Variants in POLD3 observed in about 807,000 individuals in gnomAD.
POLD3 encodes the protein DNA polymerase delta 3, accessory subunit.
In POLD3, 19 loss-of-function variants were observed where a neutral mutation model predicts 58.2. The ratio of observed to expected loss-of-function variants is 0.33; its 90% confidence interval spans 0.23 to 0.48. The LOEUF is 0.48. Ranked by LOEUF, POLD3 falls within the 20% of genes least tolerant of loss-of-function variation. The probability of loss-of-function intolerance (pLI) is 0.99; values close to 1 mark genes in which losing one functional copy is unlikely to be tolerated. For missense variants in POLD3, 504 were observed against 545.5 expected (o/e 0.92, Z 0.76); for synonymous variants, 172 against 193.5 (o/e 0.89, Z 0.92).
intron 2 of POLD3, among the ~76,000 whole-genome samples, chr11:74,594,817 C>T (rs752281915): frequency 9.9e-5 from 15 of 152,108 alleles, no homozygotes; most frequent in Admixed American, 4.6e-4. Context: ...GAGTGTCGAG[C>T]GAAGGGGGAA....
At chr11:74,669,336 C>T (rs1286113547), downstream of POLD3, among the ~76,000 whole-genome samples, 1 of 152,176 alleles carries the variant, frequency 6.6e-6, no homozygotes, top group Non-Finnish European at 1.5e-5. Flanking sequence ...GATTTGGTTG[C>T]AGTAAGCACA....
At chr11:74,654,295 A>G (rs954256506) in intron 4 of POLD3, among the ~76,000 whole-genome samples, 2 of 152,252 alleles carry the variant, frequency 1.3e-5, no homozygotes, top group Admixed American at 1.3e-4. Context: ...TGGAGTGGCT[A>G]TATTAATATC....
At chr11:74,658,255 CTTA>C (rs1481415934) in intron 4 of POLD3, among the ~76,000 whole-genome samples, 1 of 152,172 alleles carries the variant, frequency 6.6e-6, no homozygotes, top group Non-Finnish European at 1.5e-5. Context: ...TCTTGTGAGA[CTTA>C]TTATCACAAA....
chr11:74,593,094 T>C, intron 1 of POLD3: 1 of 991,760 alleles, frequency 1.0e-6, no homozygotes, highest in African/African-American at 1.7e-5. Flanking sequence ...CTTAACTGTG[T>C]TAAGTTACAA....
chr11:74,593,102 C>A, intron 1 of POLD3: 1 of 935,132 alleles, frequency 1.1e-6, no homozygotes, highest in Non-Finnish European at 1.3e-6. Flanking sequence ...TGTTAAGTTA[C>A]AAGTTGCGTA....
chr11:74,634,690 G>A lies in POLD3; in HGVS notation c.1114G>A (p.Val372Ile), dbSNP rs137901782. The A allele has an allele frequency of 5.6e-4, 883 of 1,577,694 alleles. 4 individuals carry two copies. In the African/African-American group the frequency reaches 0.01, roughly 18 times the overall value. The change falls in exon 10 of 12, where the codon GTC (valine) becomes ATC (isoleucine). Residue 372 changes from valine (V) to isoleucine (I), a missense_variant. Val to Ile is a conservative substitution (Grantham distance 29, BLOSUM62 3). Coordinates refer to ENST00000263681, the MANE Select transcript of POLD3 (RefSeq NM_006591.3). ...VPKTEPEPPS[V>I]KSSSGENKRK... ...AAAGACTGAGCCTGAACCTCCTTCTGTCAAGGTAAAATTATACTGGGATTC... is the reference window on the plus strand; with the variant it reads ...AAAGACTGAGCCTGAACCTCCTTCTATCAAGGTAAAATTATACTGGGATTC...
intron 2 of POLD3, among the ~76,000 whole-genome samples, chr11:74,600,093 A>G (rs1032164103): frequency 5.3e-5 from 8 of 150,812 alleles, no homozygotes; most frequent in Non-Finnish European, 1.2e-4. Context: ...CTACAGGCAC[A>G]TGCCACCACG....
intron 2 of POLD3, among the ~76,000 whole-genome samples, chr11:74,597,596 A>T (rs1037226032): frequency 1.1e-4 from 16 of 152,128 alleles, no homozygotes; most frequent in Non-Finnish European, 1.8e-4. Context: ...GACTAGCTGG[A>T]ACTACAGGCG....
chr11:74,629,165 C>G, intron 8 of POLD3, 52 bp from the exon 9 acceptor site: 1 of 1,066,324 alleles, frequency 9.4e-7, no homozygotes, highest in Non-Finnish European at 1.4e-6. Flanking sequence ...CATGTGAATA[C>G]TTACATTTTT....
Position 74,636,199 on chromosome 11 carries a change from C to T in POLD3, c.1122C>T (p.Ser374=), listed in dbSNP as rs35745457. 19,415 of 1,607,676 alleles carry T rather than the reference C, an allele frequency of 0.012. 150 individuals carry two copies. The highest frequency in any genetic ancestry group is 0.015 in the Middle Eastern group (89 of 6,044). The change falls in exon 11 of 12, where the codon AGC becomes AGT. Residue 374 remains serine (S), a splice_region_variant and synonymous_variant. Transcript: ENST00000263681. ...KTEPEPPSVK[S]SSGENKRKRK... ...CATTGTATCCTCTGACCTTTTAGAGCTCAAGTGGAGAAAACAAAAGAAAAC... is the reference window on the plus strand; with the variant it reads ...CATTGTATCCTCTGACCTTTTAGAGTTCAAGTGGAGAAAACAAAAGAAAAC...
intron 11 of POLD3, among the ~76,000 whole-genome samples, chr11:74,639,345 C>T (rs1655478): frequency 6.6e-6 from 1 of 152,014 alleles, no homozygotes; most frequent in Non-Finnish European, 1.5e-5. Context: ...GCTTATGCCT[C>T]TAGAACAATT....
Position 74,604,945 on chromosome 11 carries a change from A to G in POLD3, c.219+151A>G. 3 of 574,300 alleles carry G rather than the reference A, an allele frequency of 5.2e-6. No individual in the cohort carries two copies. The Admixed American group carries it at 1.0e-4, about 19-fold the overall frequency. 35.6% of individuals were successfully genotyped at this position (574,300 alleles called of 1,614,324 possible). ...GGTGATGATTATTTTGGATTTTTAGATTAAATCTAAAACTGAGAAGTTTGG... is the reference window on the plus strand; with the variant it reads ...GGTGATGATTATTTTGGATTTTTAGGTTAAATCTAAAACTGAGAAGTTTGG... On this transcript the variant is annotated intron_variant, in intron 3 of 11. Transcript: ENST00000263681.
At chr11:74,633,116 C>T (rs892952336) in intron 9 of POLD3, among the ~76,000 whole-genome samples, 2 of 152,104 alleles carry the variant, frequency 1.3e-5, no homozygotes, top group South Asian at 2.1e-4. Flanking sequence ...AGAATAAGAA[C>T]GCCTAAGTTT....
intron 2 of POLD3, among the ~76,000 whole-genome samples, chr11:74,599,689 C>G (rs533254403): frequency 5.0e-4 from 76 of 151,920 alleles, no homozygotes; most frequent in African/African-American, 1.8e-3. Context: ...AGCATTATTT[C>G]AGGCTATGTC....
At chr11:74,639,010 A>T (rs184889234) in intron 11 of POLD3, among the ~76,000 whole-genome samples, 197 of 152,354 alleles carry the variant, frequency 1.3e-3, no homozygotes, top group African/African-American at 4.5e-3. Context: ...ATTGTTGATT[A>T]TGCAGCCTTA....
intron 2 of POLD3, chr11:74,595,394 A>G (rs1248323422): frequency 3.9e-5 from 6 of 152,148 alleles, no homozygotes; most frequent in African/African-American, 1.4e-4. Flanking sequence ...ATGTTGCTGA[A>G]TATCTTTTCA....
chr11:74,620,247 G>A (rs533567979), intron 7 of POLD3, among the ~76,000 whole-genome samples, 158 bp downstream of exon 7: 2 of 152,286 alleles, frequency 1.3e-5, no homozygotes, highest in Admixed American at 1.3e-4. Context: ...ATTGATGAAA[G>A]TAACTCAGCT....
chr11:74,619,381 C>A (rs1045629365), intron 6 of POLD3, among the ~76,000 whole-genome samples: 1 of 150,068 alleles, frequency 6.7e-6, no homozygotes, highest in African/African-American at 2.5e-5. Flanking sequence ...ATTATTATCA[C>A]TGTCATTTTC....
intron 4 of POLD3, among the ~76,000 whole-genome samples, chr11:74,667,306 C>T (rs992418612): frequency 2.0e-5 from 3 of 152,118 alleles, no homozygotes; most frequent in Non-Finnish European, 2.9e-5. Flanking sequence ...GAGGCCGAGG[C>T]GGGCAGATCA....
Sources: gnomAD v4.1 joint callset for allele counts (sites outside exome capture counted in the v4.1 genomes callset) on GRCh38, gnomAD v4.1.1 for gene constraint, MANE v1.5 for transcripts, NCBI Gene and HGNC (gene_info 2026-07-23, HGNC 2026-07-21) for gene names.